The following FCRL2 variants were observed in gnomAD, a reference collection of about 807,000 sequenced individuals.
FCRL2 encodes the protein Fc receptor-like protein 2.
A neutral mutation model predicts 59.8 loss-of-function variants in FCRL2; 48 were observed. That is an observed-to-expected ratio of 0.80 (90% confidence interval 0.64 to 1.02). The LOEUF (loss-of-function observed/expected upper bound fraction) is 1.02. Among genes scored for constraint, FCRL2 ranks in the 50% least tolerant of loss-of-function variants. The pLI is 0.00. For synonymous variants in FCRL2, 251 were observed against 229.5 expected, an observed-to-expected ratio of 1.09 and a Z score of -0.85; for missense variants, 658 against 597.3, an observed-to-expected ratio of 1.10 and a Z score of -1.06.
intron 2 of FCRL2, among the ~76,000 whole-genome samples, chr1:157,772,336 C>T (rs770937501): frequency 6.6e-6 from 1 of 152,084 alleles, no homozygotes; most frequent in Non-Finnish European, 1.5e-5. Context: ...TTGAGTTGGT[C>T]GTTAGGAATT....
intron 7 of FCRL2, among the ~76,000 whole-genome samples, chr1:157,751,926 C>A (rs1489254089): frequency 2.0e-5 from 3 of 152,094 alleles, no homozygotes; most frequent in Non-Finnish European, 2.9e-5. Flanking sequence ...TTTTTCAGAG[C>A]CAGAGGAAAT....
chr1:157,747,749 A>C (rs921451304), intron 10 of FCRL2, among the ~76,000 whole-genome samples: 3 of 152,212 alleles, frequency 2.0e-5, no homozygotes, highest in Non-Finnish European at 4.4e-5. Context: ...ACTCCTCTGC[A>C]CTGCTGCAGA....
intron 7 of FCRL2, among the ~76,000 whole-genome samples, chr1:157,752,665 A>G (rs1648282678): frequency 6.6e-6 from 1 of 152,232 alleles, no homozygotes; most frequent in Non-Finnish European, 1.5e-5. Flanking sequence ...TACCCTTGTT[A>G]GATGAATCAG....
intron 7 of FCRL2, among the ~76,000 whole-genome samples, chr1:157,763,743 ACAG>A (rs1431622226): frequency 3.3e-5 from 5 of 150,886 alleles, no homozygotes; most frequent in African/African-American, 1.2e-4. Flanking sequence ...TGAGTCAAAA[ACAG>A]CAGGCTGGGC....
intron 2 of FCRL2, among the ~76,000 whole-genome samples, chr1:157,773,794 A>T (rs1312103625): frequency 6.6e-6 from 1 of 152,182 alleles, no homozygotes; most frequent in Non-Finnish European, 1.5e-5. Flanking sequence ...GGAGGGCAAC[A>T]AGTCCCAAAG....
intron 7 of FCRL2, among the ~76,000 whole-genome samples, chr1:157,759,991 G>GTA (rs1428501933): frequency 6.6e-6 from 1 of 152,172 alleles, no homozygotes; most frequent in Non-Finnish European, 1.5e-5. Flanking sequence ...ACACATGCAT[G>GTA]TATATGTTCA....
chr1:157,768,349 G>T (rs758207449), intron 5 of FCRL2, 65 bp downstream of exon 5: 1 of 1,540,680 alleles, frequency 6.5e-7, no homozygotes. Context: ...ATTTCCTCAG[G>T]ACACATGTGT....
intron 7 of FCRL2, among the ~76,000 whole-genome samples, chr1:157,763,874 CA>C (rs1466059758): frequency 1.3e-5 from 2 of 151,764 alleles, no homozygotes; most frequent in African/African-American, 2.4e-5. Flanking sequence ...ACTGAAAATA[CA>C]AAAAATTAGC....
chr1:157,754,302 A>G (rs1648421105), intron 7 of FCRL2, among the ~76,000 whole-genome samples: 1 of 152,198 alleles, frequency 6.6e-6, no homozygotes, highest in Non-Finnish European at 1.5e-5. Context: ...AATGACCTCT[A>G]GTTGCCCTCA....
At chr1:157,773,547 AG>A (rs1397907635) in intron 2 of FCRL2, among the ~76,000 whole-genome samples, 1 of 152,198 alleles carries the variant, frequency 6.6e-6, no homozygotes, top group Admixed American at 6.5e-5. Flanking sequence ...GGTAGACATA[AG>A]TTGGTTCATA....
In FCRL2 at chr1:157,746,906, A is replaced by C. The variant is rs1449732382; in HGVS notation, c.1460-7T>G. On this transcript the variant is annotated splice_region_variant and splice_polypyrimidine_tract_variant and intron_variant, in intron 10 of 11. Coordinates refer to ENST00000361516, the MANE Select transcript of FCRL2 (RefSeq NM_030764.4). ...AGAAGTGTCCTGATGTTTGCTGTTAAGGAAAAAGTAATAGTTCTGAGCTCT... is the reference window on the plus strand; with the variant it reads ...AGAAGTGTCCTGATGTTTGCTGTTACGGAAAAAGTAATAGTTCTGAGCTCT... 1 of 1,612,996 alleles carries C rather than the reference A, an allele frequency of 6.2e-7. No homozygotes were observed. The highest frequency in any genetic ancestry group is 1.3e-5 in the African/African-American group (1 of 75,062).
intron 8 of FCRL2, among the ~76,000 whole-genome samples, chr1:157,749,245 A>G (rs78321300): frequency 0.021 from 3,113 of 151,564 alleles, 56 homozygotes; most frequent in South Asian, 0.041. Flanking sequence ...TCATTACTTT[A>G]TCTCTCTCAC....
intron 7 of FCRL2, among the ~76,000 whole-genome samples, chr1:157,761,658 T>C (rs938442114): frequency 6.6e-5 from 10 of 152,256 alleles, no homozygotes; most frequent in Middle Eastern, 3.4e-3. Flanking sequence ...ACAGATAATA[T>C]ATGTAAACCT....
In FCRL2 at chr1:157,746,108, C is replaced by G. The variant is rs79628425; in HGVS notation, c.*628G>C. On this transcript the variant is annotated 3_prime_UTR_variant, in exon 12 of 12. Coordinates refer to ENST00000361516, the MANE Select transcript of FCRL2 (RefSeq NM_030764.4). ...AATTAGTAATAAAAAACTTACCAAC[C>G]AACACAAAAGCCCTAGACCAGATGG... 5,431 of 152,250 alleles carry G rather than the reference C, an allele frequency of 0.036. 118 individuals are homozygous for G. The highest frequency in any genetic ancestry group is 0.053 in the Non-Finnish European group (3,607 of 68,028). 9.4% of individuals were successfully genotyped at this position (152,250 alleles called of 1,614,324 possible). A position where few individuals can be genotyped will look rare whatever the true frequency, so the allele number is the denominator to read the frequency against.
intron 5 of FCRL2, chr1:157,767,875 G>A: frequency 2.0e-6 from 1 of 504,512 alleles, no homozygotes; most frequent in Non-Finnish European, 3.2e-6. Context: ...TGATACATAG[G>A]AGCATTTCTA....
chr1:157,763,238 A>G (rs1649236915), intron 7 of FCRL2, among the ~76,000 whole-genome samples: 1 of 152,184 alleles, frequency 6.6e-6, no homozygotes, highest in Non-Finnish European at 1.5e-5. Context: ...CTTAAAATAT[A>G]TAGATGGGGT....
At chr1:157,760,808 A>G (rs6671400) in intron 7 of FCRL2, among the ~76,000 whole-genome samples, 38 of 150,450 alleles carry the variant, frequency 2.5e-4, no homozygotes, top group African/African-American at 7.2e-4. Context: ...GAAGGAAGGA[A>G]GGAGGGAAGG....
chr1:157,747,273 A>G (rs1647820970), intron 10 of FCRL2, among the ~76,000 whole-genome samples: 1 of 152,224 alleles, frequency 6.6e-6, no homozygotes, highest in Non-Finnish European at 1.5e-5. Context: ...ATAGAAGGAA[A>G]TTGGAATAGA....
chr1:157,760,711 G>GAAAGAAAGAAAGAAAGAAAT (rs1557860457), intron 7 of FCRL2, among the ~76,000 whole-genome samples: 2 of 58,036 alleles, frequency 3.4e-5, no homozygotes, highest in African/African-American at 1.7e-4. Context: ...AAGAAAGAAA[G>GAAAGAAAGAAAGAAAGAAAT]AAAGAAAGAA....
Sources: gnomAD v4.1 joint callset for allele counts (sites outside exome capture counted in the v4.1 genomes callset) on GRCh38, gnomAD v4.1.1 for gene constraint, MANE v1.5 for transcripts, NCBI Gene and HGNC (gene_info 2026-07-23, HGNC 2026-07-21) for gene names.